The following KLF12 variants were observed in gnomAD, a reference collection of about 807,000 sequenced individuals.
KLF12 encodes the protein KLF transcription factor 12.
A neutral mutation model predicts 37.8 loss-of-function variants in KLF12; 9 were observed. The observed-to-expected ratio is 0.24, with a 90% CI of 0.14 to 0.42. KLF12 has a LOEUF of 0.42. Ranked by LOEUF, KLF12 falls within the 10% of genes least tolerant of loss-of-function variation. The pLI, the probability that KLF12 is intolerant of heterozygous loss-of-function variation, is 1.00. For synonymous variants in KLF12, 208 were observed against 202.1 expected, an observed-to-expected ratio of 1.03 and a Z score of -0.25; for missense variants, 411 against 516.0, an observed-to-expected ratio of 0.80 and a Z score of 1.97.
At chr13:73,765,851 C>G (rs1392399449) in intron 5 of KLF12, among the ~76,000 whole-genome samples, 2 of 152,110 alleles carry the variant, frequency 1.3e-5, no homozygotes, top group Non-Finnish European at 2.9e-5. Context: ...TACCTTCACC[C>G]TTTATGCTTC....
At chr13:73,845,545 A>C (rs566609274) in intron 4 of KLF12, among the ~76,000 whole-genome samples, 1 of 152,348 alleles carries the variant, frequency 6.6e-6, no homozygotes, top group African/African-American at 2.4e-5. Context: ...AGCATTTCAA[A>C]GCAAGTATTA....
intron 6 of KLF12, among the ~76,000 whole-genome samples, chr13:73,757,810 A>G (rs993088906): frequency 1.3e-5 from 2 of 152,206 alleles, no homozygotes; most frequent in African/African-American, 2.4e-5. Flanking sequence ...CAATTTTTTC[A>G]GCCCAAATAT....
chr13:74,241,715 A>C, the KLF12 span, among the ~76,000 whole-genome samples: 2 of 152,178 alleles, frequency 1.3e-5, no homozygotes, highest in South Asian at 2.1e-4. Context: ...CCGATTTTCC[A>C]GGTGCCGTCC....
At chr13:74,004,321 T>C (rs1593822372) in intron 1 of KLF12, among the ~76,000 whole-genome samples, 1 of 152,184 alleles carries the variant, frequency 6.6e-6, no homozygotes, top group South Asian at 2.1e-4. Flanking sequence ...CTAGCAACTG[T>C]TCTAACTACT....
chr13:73,825,995 T>A (rs1232913644), intron 4 of KLF12, among the ~76,000 whole-genome samples: 1 of 151,814 alleles, frequency 6.6e-6, no homozygotes, highest in East Asian at 1.9e-4. Context: ...TTTTTTGAGA[T>A]GGAGTCTCGC....
intron 1 of KLF12, among the ~76,000 whole-genome samples, chr13:74,000,245 T>C (rs1892239267): frequency 6.6e-6 from 1 of 152,214 alleles, no homozygotes; most frequent in Admixed American, 6.5e-5. Context: ...CGAAACCTGA[T>C]ATAAAGTTAT....
At chr13:74,290,220 C>A in the KLF12 span, among the ~76,000 whole-genome samples, 1 of 152,064 alleles carries the variant, frequency 6.6e-6, no homozygotes, top group African/African-American at 2.4e-5. Context: ...GTTGACACCA[C>A]GAATGAGACA....
At chr13:74,138,077 A>G (rs1878610625), upstream of KLF12, among the ~76,000 whole-genome samples, 1 of 152,212 alleles carries the variant, frequency 6.6e-6, no homozygotes, top group Non-Finnish European at 1.5e-5. Context: ...TTACAGTATT[A>G]AGAGCATTAC....
chr13:74,184,915 T>C, the KLF12 span, among the ~76,000 whole-genome samples: 4 of 152,262 alleles, frequency 2.6e-5, no homozygotes, highest in Non-Finnish European at 5.9e-5. Context: ...CTTCAGTAAA[T>C]GTTCTGCAGA....
intron 5 of KLF12, 31 bp from the exon 6 acceptor site, chr13:73,765,031 G>A: frequency 3.0e-6 from 4 of 1,339,950 alleles, no homozygotes; most frequent in Non-Finnish European, 3.1e-6. Context: ...TCCAGTCATT[G>A]AAAAAGCATA....
intron 2 of KLF12, among the ~76,000 whole-genome samples, chr13:73,983,310 T>C (rs1891737220): frequency 1.3e-5 from 2 of 152,206 alleles, no homozygotes; most frequent in African/African-American, 4.8e-5. Context: ...AGCTGCCCTA[T>C]GCCACCACCT....
rs546757166 is a variant in KLF12 at position 73,927,927 on chromosome 13, G to A, written c.123+16054C>T. ...GGCTGGAGTGCAGTGGCATGATCTCGGCTCACTGCAACCTCCGCCTCCCGG... is the reference window on the plus strand; with the variant it reads ...GGCTGGAGTGCAGTGGCATGATCTCAGCTCACTGCAACCTCCGCCTCCCGG... On this transcript the variant is annotated intron_variant, in intron 3 of 7. Transcript: ENST00000377669. 1.8e-3 allele frequency among the ~76,000 whole-genome samples: 270 copies of A among 150,710 alleles called. 3 individuals are homozygous for A. Among genetic ancestry groups the A allele is most frequent in the African/African-American group, 6.3e-3 (259 of 40,874 alleles).
At chr13:73,879,615 C>G (rs1162723812) in intron 3 of KLF12, among the ~76,000 whole-genome samples, 1 of 152,184 alleles carries the variant, frequency 6.6e-6, no homozygotes, top group Non-Finnish European at 1.5e-5. Context: ...ATAATTCTAT[C>G]TACATCATGC....
intron 6 of KLF12, among the ~76,000 whole-genome samples, chr13:73,738,124 T>TATAC (rs1305200790): frequency 5.1e-3 from 421 of 81,832 alleles, no homozygotes; most frequent in Admixed American, 6.0e-3. Context: ...TATATATATA[T>TATAC]ACACACACAC....
At chr13:74,083,913 C>G (rs1875090892) in intron 1 of KLF12, among the ~76,000 whole-genome samples, 1 of 152,046 alleles carries the variant, frequency 6.6e-6, no homozygotes, top group East Asian at 1.9e-4. Flanking sequence ...GGCATATGAA[C>G]TAGGCAGAAG....
the KLF12 span, among the ~76,000 whole-genome samples, chr13:74,268,918 C>G: frequency 6.6e-6 from 1 of 152,120 alleles, no homozygotes; most frequent in Non-Finnish European, 1.5e-5. Flanking sequence ...ATAGTGCTGT[C>G]TGGGGTGATT....
intron 6 of KLF12, among the ~76,000 whole-genome samples, chr13:73,735,957 CT>C (rs10699962): frequency 5.0e-4 from 73 of 146,710 alleles, no homozygotes; most frequent in Middle Eastern, 7.1e-3. Flanking sequence ...CTTTCTTTTT[CT>C]TTTTTTTTTT....
At chr13:73,815,384 T>C (rs1307425580) in intron 4 of KLF12, among the ~76,000 whole-genome samples, 1 of 152,208 alleles carries the variant, frequency 6.6e-6, no homozygotes, top group East Asian at 1.9e-4. Context: ...AGGGATGTAC[T>C]GGAAAGATAA....
chr13:73,728,049 T>C (rs976702202), intron 6 of KLF12, among the ~76,000 whole-genome samples: 10 of 152,184 alleles, frequency 6.6e-5, no homozygotes, highest in African/African-American at 2.4e-4. Context: ...GAAAACCAAA[T>C]TGTAGACTGC....
Sources: gnomAD v4.1 joint callset for allele counts (sites outside exome capture counted in the v4.1 genomes callset) on GRCh38, gnomAD v4.1.1 for gene constraint, MANE v1.5 for transcripts, NCBI Gene and HGNC (gene_info 2026-07-23, HGNC 2026-07-21) for gene names.